The following MEIKIN variants were observed in gnomAD, a reference collection of about 807,000 sequenced individuals.
The protein encoded by MEIKIN is meiosis-specific kinetochore protein.
At chr5:131,872,328 G>A (rs184372395) in intron 9 of MEIKIN, among the ~76,000 whole-genome samples, 26 of 152,258 alleles carry the variant, frequency 1.7e-4, no homozygotes, top group African/African-American at 5.8e-4. Context: ...TGAAAACCAC[G>A]GCACGAGAAC....
At chr5:131,895,734 C>G (rs1454113368) in intron 8 of MEIKIN, among the ~76,000 whole-genome samples, 2 of 152,018 alleles carry the variant, frequency 1.3e-5, no homozygotes, top group African/African-American at 2.4e-5. Flanking sequence ...GTGGTGATAT[C>G]CCCTTTATCA....
At chr5:131,872,597 TC>T (rs1303077794) in intron 9 of MEIKIN, among the ~76,000 whole-genome samples, 1 of 152,036 alleles carries the variant, frequency 6.6e-6, no homozygotes, top group Non-Finnish European at 1.5e-5. Context: ...CAGGAGAACT[TC>T]CCCAATCTAG....
intron 12 of MEIKIN, among the ~76,000 whole-genome samples, chr5:131,815,856 T>A (rs1316964965): frequency 6.6e-6 from 1 of 152,190 alleles, no homozygotes; most frequent in Non-Finnish European, 1.5e-5. Context: ...ACCATGACCA[T>A]CTGAAGTGCC....
At chr5:131,898,004 G>A (rs1304035956) in intron 8 of MEIKIN, among the ~76,000 whole-genome samples, 1 of 152,158 alleles carries the variant, frequency 6.6e-6, no homozygotes, top group Non-Finnish European at 1.5e-5. Flanking sequence ...AGAATTTTCT[G>A]CTTTTCTGCT....
intron 8 of MEIKIN, among the ~76,000 whole-genome samples, chr5:131,893,482 C>T (rs1316081143): frequency 6.6e-6 from 1 of 152,224 alleles, no homozygotes; most frequent in Admixed American, 6.5e-5. Context: ...TTCCAGGTGC[C>T]ATCTGTCACC....
At chr5:131,893,641 C>G (rs1285356675) in intron 8 of MEIKIN, among the ~76,000 whole-genome samples, 1 of 152,336 alleles carries the variant, frequency 6.6e-6, no homozygotes, top group African/African-American at 2.4e-5. Flanking sequence ...GAACCCGGTA[C>G]CTCAATTGGA....
Position 131,845,163 on chromosome 5 carries a change from C to G in MEIKIN, c.975+6101G>C, listed in dbSNP as rs182203725. 1.3e-3 allele frequency among the ~76,000 whole-genome samples: 203 copies of G among 150,488 alleles called. 1 individual carries two copies. Among genetic ancestry groups the G allele is most frequent in the Admixed American group, 1.7e-3 (25 of 15,042 alleles). Reference sequence around the variant, plus strand: ...TGGGCACCTGTAGTCCCAGCTACTCCAGACACTGAGGCAGGAGAATGGCAT... The same window carrying G: ...TGGGCACCTGTAGTCCCAGCTACTCGAGACACTGAGGCAGGAGAATGGCAT... On this transcript the variant is annotated intron_variant, in intron 11 of 12. Transcript: ENST00000442687.
At chr5:131,821,796 C>CT (rs35125413) in intron 11 of MEIKIN, among the ~76,000 whole-genome samples, 23 of 150,358 alleles carry the variant, frequency 1.5e-4, no homozygotes, top group South Asian at 4.2e-4. Context: ...CTATGCCTGG[C>CT]TTTTTTTTTG....
chr5:131,931,063 G>A (rs977238229), intron 5 of MEIKIN, among the ~76,000 whole-genome samples: 1 of 151,986 alleles, frequency 6.6e-6, no homozygotes, highest in East Asian at 1.9e-4. Flanking sequence ...CAGCATCTAC[G>A]CATTAGAAAA....
intron 11 of MEIKIN, among the ~76,000 whole-genome samples, chr5:131,837,789 C>A (rs1749835786): frequency 6.6e-6 from 1 of 152,050 alleles, no homozygotes; most frequent in African/African-American, 2.4e-5. Context: ...GATATATGAT[C>A]ATGTAGTCAG....
At chr5:131,894,299 T>C (rs150089309) in intron 8 of MEIKIN, among the ~76,000 whole-genome samples, 4,031 of 152,330 alleles carry the variant, frequency 0.026, 188 homozygotes, top group African/African-American at 0.092. Flanking sequence ...TTGGTTACTG[T>C]AGCCTTGTAG....
chr5:131,938,956 C>T (rs1489884259), intron 4 of MEIKIN, among the ~76,000 whole-genome samples: 3 of 152,192 alleles, frequency 2.0e-5, no homozygotes, highest in Non-Finnish European at 2.9e-5. Flanking sequence ...TACCAGAACG[C>T]ACAAATTCCA....
At chr5:131,851,009 T>C (rs748529220) in intron 11 of MEIKIN, among the ~76,000 whole-genome samples, 1 of 152,130 alleles carries the variant, frequency 6.6e-6, no homozygotes, top group Admixed American at 6.6e-5. Flanking sequence ...TTGGCTGTGA[T>C]TTCTTGCACA....
At chr5:131,910,120 C>T (rs540078088) in intron 8 of MEIKIN, among the ~76,000 whole-genome samples, 2 of 151,752 alleles carry the variant, frequency 1.3e-5, no homozygotes, top group Admixed American at 6.6e-5. Flanking sequence ...TCTGCACTCC[C>T]GCATTTGTTT....
rs181353015 is a variant in MEIKIN, at chr5:131,864,432, G to A, written c.775-9598C>T. On this transcript the variant is annotated intron_variant, in intron 9 of 12. Coordinates refer to ENST00000442687, the MANE Select transcript of MEIKIN (RefSeq NM_001303622.2). ...GAGTTTAGTAGTAATGAATTTTCTCGGCATTTGATTGTCTGGGAAATACTT... is the reference window on the plus strand; with the variant it reads ...GAGTTTAGTAGTAATGAATTTTCTCAGCATTTGATTGTCTGGGAAATACTT... 3.3e-3 allele frequency among the ~76,000 whole-genome samples: 506 copies of A among 152,194 alleles called. 4 individuals are homozygous for A. The highest frequency in any genetic ancestry group is 0.011 in the African/African-American group (477 of 41,520).
intron 5 of MEIKIN, among the ~76,000 whole-genome samples, chr5:131,922,509 C>T (rs966959513): frequency 6.6e-6 from 1 of 152,022 alleles, no homozygotes; most frequent in Non-Finnish European, 1.5e-5. Context: ...GCATAGGTTA[C>T]ATGCAAATAC....
At chr5:131,840,879 C>T (rs1389257452) in intron 11 of MEIKIN, among the ~76,000 whole-genome samples, 4 of 152,168 alleles carry the variant, frequency 2.6e-5, no homozygotes, top group Admixed American at 2.0e-4. Flanking sequence ...ATTCAGAATG[C>T]TTTGTGGAGA....
At chr5:131,857,309 G>A (rs1458781092) in intron 9 of MEIKIN, among the ~76,000 whole-genome samples, 2 of 152,146 alleles carry the variant, frequency 1.3e-5, no homozygotes, top group South Asian at 2.1e-4. Context: ...AAAAAATAAC[G>A]TCACACATTT....
chr5:131,872,482 G>A (rs918134792), intron 9 of MEIKIN, among the ~76,000 whole-genome samples: 3 of 152,202 alleles, frequency 2.0e-5, no homozygotes, highest in African/African-American at 7.2e-5. Context: ...AGGCTTCCAA[G>A]AAATATGTGA....
Sources: gnomAD v4.1 joint callset for allele counts (sites outside exome capture counted in the v4.1 genomes callset) on GRCh38, gnomAD v4.1.1 for gene constraint, MANE v1.5 for transcripts, NCBI Gene and HGNC (gene_info 2026-07-23, HGNC 2026-07-21) for gene names.